SCN9A: variants seen among roughly 807,000 people sequenced by gnomAD.
SCN9A encodes sodium voltage-gated channel alpha subunit 9, also known as sodium channel protein type 9 subunit alpha.
In SCN9A, 131 loss-of-function variants were observed where a neutral mutation model predicts 187.0. The ratio of observed to expected loss-of-function variants is 0.70; its 90% CI spans 0.61 to 0.81. SCN9A has a LOEUF of 0.81. Among genes scored for constraint, SCN9A ranks in the 30% least tolerant of loss-of-function variants. The probability of loss-of-function intolerance (pLI) is 0.00; values close to 1 mark genes in which losing one functional copy is unlikely to be tolerated. For missense variants in SCN9A, 2,252 were observed against 2,396.6 expected (o/e 0.94, Z 1.26); for synonymous variants, 809 against 808.6 (o/e 1.00, Z -0.01).
intron 17 of SCN9A, among the ~76,000 whole-genome samples, chr2:166,260,147 A>G (rs560842992): frequency 6.6e-6 from 1 of 152,048 alleles, no homozygotes; most frequent in African/African-American, 2.4e-5. Context: ...AAACCACCAC[A>G]TAGTAAAAGG....
intron 20 of SCN9A, among the ~76,000 whole-genome samples, chr2:166,236,516 G>T (rs959298834): frequency 6.6e-6 from 1 of 152,120 alleles, no homozygotes. Context: ...TGCCTACCGG[G>T]TTCAAGCGAT....
intron 1 of SCN9A, among the ~76,000 whole-genome samples, chr2:166,329,058 C>T (rs1030084590): frequency 2.0e-5 from 3 of 151,996 alleles, no homozygotes; most frequent in Admixed American, 2.0e-4. Context: ...TTTTGAAAGA[C>T]CTTTTAATAA....
chr2:166,341,972 C>T (rs981355621), intron 1 of SCN9A, among the ~76,000 whole-genome samples: 4 of 152,092 alleles, frequency 2.6e-5, no homozygotes, highest in Non-Finnish European at 4.4e-5. Flanking sequence ...AGCATACTTG[C>T]AGAATAATGT....
intron 16 of SCN9A, among the ~76,000 whole-genome samples, chr2:166,273,662 TAA>T (rs34409542): frequency 3.4e-5 from 5 of 146,524 alleles, no homozygotes; most frequent in African/African-American, 1.2e-4. Flanking sequence ...CTCCACATTG[TAA>T]AAAAAAAAAA....
intron 1 of SCN9A, among the ~76,000 whole-genome samples, chr2:166,335,807 A>C (rs1321886718): frequency 6.6e-6 from 1 of 152,162 alleles, no homozygotes; most frequent in African/African-American, 2.4e-5. Context: ...ATGATAAATA[A>C]TGATGATTAC....
chr2:166,344,136 A>T (rs1246595577), intron 1 of SCN9A, among the ~76,000 whole-genome samples: 2 of 152,184 alleles, frequency 1.3e-5, no homozygotes, highest in African/African-American at 4.8e-5. Flanking sequence ...CAACTAAACT[A>T]AACTAGCACA....
intron 1 of SCN9A, among the ~76,000 whole-genome samples, chr2:166,342,525 A>C (rs1489553300): frequency 6.6e-6 from 1 of 152,160 alleles, no homozygotes; most frequent in Non-Finnish European, 1.5e-5. Context: ...TTAAACCATT[A>C]GAGTCAGAGA....
intron 22 of SCN9A, 55 bp from the exon 23 acceptor site, chr2:166,227,778 C>T: frequency 1.1e-6 from 1 of 899,016 alleles, no homozygotes; most frequent in Non-Finnish European, 1.8e-6. Context: ...CTAAAATAGC[C>T]ATAAACAGAG....
At chr2:166,302,457 C>T (rs942215820) in intron 7 of SCN9A, 4 of 152,082 alleles carry the variant, frequency 2.6e-5, no homozygotes, top group Non-Finnish European at 4.4e-5. Context: ...GATATCTTGC[C>T]ATCAGCCTAT....
chr2:166,230,206 G>A (rs1695023274), intron 21 of SCN9A, among the ~76,000 whole-genome samples: 1 of 152,090 alleles, frequency 6.6e-6, no homozygotes, highest in African/African-American at 2.4e-5. Context: ...AACAGGCTGG[G>A]GTTTGTTGAC....
At chr2:166,344,215 A>C (rs1699850010) in intron 1 of SCN9A, among the ~76,000 whole-genome samples, 2 of 152,210 alleles carry the variant, frequency 1.3e-5, no homozygotes, top group South Asian at 4.1e-4. Flanking sequence ...AATGAAGTAT[A>C]AGGTTAAAAG....
intron 18 of SCN9A, among the ~76,000 whole-genome samples, chr2:166,246,082 G>GT (rs1315661354): frequency 4.0e-5 from 6 of 151,788 alleles, no homozygotes; most frequent in Non-Finnish European, 8.8e-5. Context: ...ATGTGTTCCT[G>GT]TTTTTTCTCT....
intron 2 of SCN9A, 37 bp from the exon 3 acceptor site, chr2:166,307,111 C>T: frequency 8.4e-7 from 1 of 1,196,060 alleles, no homozygotes; most frequent in East Asian, 2.4e-5. Flanking sequence ...ATTGAGAATC[C>T]AAAATATCAA....
intron 1 of SCN9A, among the ~76,000 whole-genome samples, chr2:166,341,654 A>G (rs1047171713): frequency 6.6e-6 from 1 of 152,226 alleles, no homozygotes; most frequent in African/African-American, 2.4e-5. Flanking sequence ...CTTAGTTCAC[A>G]GTTGCTGTGG....
chr2:166,367,024 A>C lies in SCN9A; in HGVS notation c.-51+8673T>G, dbSNP rs559677369. ...TTCATGACAATAAGTACTGTGATTT[A>C]GGTTTCATTTGTGTGTATCAATTTG... On this transcript the variant is annotated intron_variant, in intron 1 of 26. Coordinates refer to ENST00000642356, the MANE Select transcript of SCN9A (RefSeq NM_001365536.1). Among the ~76,000 whole-genome samples, 3 of 152,348 alleles carry C rather than the reference A, an allele frequency of 2.0e-5. No individual in the cohort carries two copies. In the East Asian group the frequency reaches 5.8e-4, roughly 29 times the overall value.
intron 1 of SCN9A, among the ~76,000 whole-genome samples, chr2:166,335,106 T>G (rs1024094927): frequency 6.6e-6 from 1 of 152,148 alleles, no homozygotes; most frequent in Non-Finnish European, 1.5e-5. Flanking sequence ...TTCATAAAAT[T>G]TATCACAAAA....
chr2:166,321,350 T>A (rs2105245894), intron 1 of SCN9A: 1 of 152,034 alleles, frequency 6.6e-6, no homozygotes, highest in Non-Finnish European at 1.5e-5. Flanking sequence ...TGACACCCTG[T>A]CTCTAGGAAA....
chr2:166,307,922 T>C (rs887773372), intron 2 of SCN9A, among the ~76,000 whole-genome samples: 1 of 152,208 alleles, frequency 6.6e-6, no homozygotes, highest in African/African-American at 2.4e-5. Context: ...TTGTGTTAGC[T>C]GAAAGACACT....
intron 17 of SCN9A, among the ~76,000 whole-genome samples, chr2:166,253,231 T>C (rs1696123647): frequency 2.0e-5 from 3 of 151,866 alleles, no homozygotes. Context: ...TAAGGAATGA[T>C]GTAAGCAGAC....
Sources: gnomAD v4.1 joint callset for allele counts (sites outside exome capture counted in the v4.1 genomes callset) on GRCh38, gnomAD v4.1.1 for gene constraint, MANE v1.5 for transcripts, NCBI Gene and HGNC (gene_info 2026-07-23, HGNC 2026-07-21) for gene names.